The following SLC13A1 variants were observed in gnomAD, a reference collection of about 807,000 sequenced individuals.
SLC13A1 encodes the protein solute carrier family 13 member 1, also known as Na(+)/sulfate cotransporter.
A neutral mutation model predicts 70.0 loss-of-function variants in SLC13A1; 65 were observed. The observed-to-expected ratio is 0.93, with a 90% CI of 0.76 to 1.14. The LOEUF is 1.14. SLC13A1 is among the 50% of genes most tolerant of loss of function. SLC13A1 has a pLI of 0.00. For missense variants in SLC13A1, 726 were observed against 717.8 expected (o/e 1.01, Z -0.13); for synonymous variants, 275 against 250.5 (o/e 1.10, Z -0.92).
chr7:123,141,640 T>C (rs1445200428), intron 7 of SLC13A1, among the ~76,000 whole-genome samples: 1 of 152,194 alleles, frequency 6.6e-6, no homozygotes, highest in Non-Finnish European at 1.5e-5. Context: ...ACAACTGTTA[T>C]ATCCTCTTGC....
chr7:123,134,648 G>C, intron 7 of SLC13A1, 119 bp from the exon 8 acceptor site: 1 of 877,758 alleles, frequency 1.1e-6, no homozygotes, highest in Non-Finnish European at 1.7e-6. Context: ...AGGAAGTCCT[G>C]GAATATACTC....
At position 123,116,411 on chromosome 7, in the gene SLC13A1, A is replaced by G. The variant is rs187878023; in HGVS notation, c.1651-756T>C. Among the ~76,000 whole-genome samples the G allele has an allele frequency of 2.9e-4, 44 of 152,338 alleles. No individual in the cohort carries two copies. The East Asian group carries it at 8.5e-3, about 29-fold the overall frequency. On this transcript the variant is annotated intron_variant, in intron 14 of 14. Coordinates refer to ENST00000194130, the MANE Select transcript of SLC13A1 (RefSeq NM_022444.4). ...TGGCAGAGTTGAGTAGTTGTGACAG[A>G]GAACATATGGCCCCACAGGGCCTCA...
chr7:123,192,097 C>A (rs936719832), intron 1 of SLC13A1, among the ~76,000 whole-genome samples: 1 of 152,120 alleles, frequency 6.6e-6, no homozygotes, highest in African/African-American at 2.4e-5. Context: ...TTGACTCCTG[C>A]CCCAGTGGGT....
chr7:123,125,727 A>T (rs1353546317), intron 10 of SLC13A1, 52 bp from the exon 11 acceptor site: 1 of 1,307,978 alleles, frequency 7.6e-7, no homozygotes, highest in African/African-American at 1.5e-5. Context: ...AACTTAAATG[A>T]GCTAAAACAC....
rs2116226832 is a variant in SLC13A1, at chr7:123,115,193, A to G, written c.*325T>C. On this transcript the variant is annotated 3_prime_UTR_variant, in exon 15 of 15. Coordinates refer to ENST00000194130, the MANE Select transcript of SLC13A1 (RefSeq NM_022444.4). ...ATTTAAAATGTTACATTGAACTCCAACTGTAAGATGAAACAAATGCTCTAA... is the reference window on the plus strand; with the variant it reads ...ATTTAAAATGTTACATTGAACTCCAGCTGTAAGATGAAACAAATGCTCTAA... 1.2e-5 allele frequency: 2 copies of G among 170,508 alleles called. No homozygotes were observed. The highest frequency in any genetic ancestry group is 1.6e-4 in the East Asian group (1 of 6,400). 10.6% of individuals were successfully genotyped at this position (170,508 alleles called of 1,614,324 possible). A position where few individuals can be genotyped will look rare whatever the true frequency, so the allele number is the denominator to read the frequency against.
chr7:123,151,135 C>A (rs1204637696), intron 6 of SLC13A1, among the ~76,000 whole-genome samples: 1 of 151,726 alleles, frequency 6.6e-6, no homozygotes, highest in African/African-American at 2.4e-5. Context: ...ACCAGCCTGG[C>A]CAACATGGTG....
chr7:123,171,776 A>G lies in SLC13A1; in HGVS notation c.357T>C (p.Asn119=). The change falls in exon 3 of 15, where the codon AAT becomes AAC. Residue 119 remains asparagine (N), a synonymous_variant. Transcript: ENST00000194130. ...ALKMVMMVGV[N]PAWLTLGFMS... ...GTAAATGCAGTACTTACCATGCAGGATTTACACCAACCATCATCACCATTT... is the reference window on the plus strand; with the variant it reads ...GTAAATGCAGTACTTACCATGCAGGGTTTACACCAACCATCATCACCATTT... 2 of 1,613,896 alleles carry G rather than the reference A, an allele frequency of 1.2e-6. No individual in the cohort carries two copies. Among genetic ancestry groups the G allele is most frequent in the African/African-American group, 1.3e-5 (1 of 75,036 alleles).
intron 6 of SLC13A1, among the ~76,000 whole-genome samples, chr7:123,163,008 AG>A (rs1416109122): frequency 6.6e-6 from 1 of 152,086 alleles, no homozygotes; most frequent in Non-Finnish European, 1.5e-5. Flanking sequence ...AGATGCCTGA[AG>A]GTTTAGAAAT....
chr7:123,162,140 T>C (rs1411258530), intron 6 of SLC13A1, among the ~76,000 whole-genome samples: 1 of 152,064 alleles, frequency 6.6e-6, no homozygotes, highest in African/African-American at 2.4e-5. Flanking sequence ...GGGGGCTTAT[T>C]GTACAGTTAA....
chr7:123,128,869 G>A lies in SLC13A1; in HGVS notation c.1109C>T (p.Pro370Leu). The part of the protein sequence containing the change: ...LWFSRDPGFV[P>L]GWSALFSEYP... ...CTCTGAAAAAAGTGCAGACCAACCA[G>A]GAACAAATCCGGGGTCTCGACTAAA... The change falls in exon 10 of 15, where the codon CCT becomes CTT. Residue 370 changes from proline (P) to leucine (L), a missense_variant. Physicochemically the swap from Pro to Leu is moderately conservative, Grantham distance 98. Coordinates refer to ENST00000194130, the MANE Select transcript of SLC13A1 (RefSeq NM_022444.4). The A allele has an allele frequency of 6.2e-7, 1 of 1,613,234 alleles. No individual in the cohort carries two copies. The highest frequency in any genetic ancestry group is 8.5e-7 in the Non-Finnish European group (1 of 1,179,510).
At chr7:123,132,594 A>T (rs1215898762) in intron 8 of SLC13A1, among the ~76,000 whole-genome samples, 1 of 152,096 alleles carries the variant, frequency 6.6e-6, no homozygotes, top group Non-Finnish European at 1.5e-5. Context: ...CTGGTCTCTA[A>T]CTGCTGACCT....
At chr7:123,161,988 C>A (rs982496982) in intron 6 of SLC13A1, among the ~76,000 whole-genome samples, 1 of 149,108 alleles carries the variant, frequency 6.7e-6, no homozygotes, top group Non-Finnish European at 1.5e-5. Flanking sequence ...ATTTCTTAAT[C>A]AAAATACAGA....
At chr7:123,142,638 CTTTT>C (rs753775300) in intron 7 of SLC13A1, among the ~76,000 whole-genome samples, 6 of 118,794 alleles carry the variant, frequency 5.1e-5, no homozygotes, top group East Asian at 2.6e-4. Flanking sequence ...GGGGCAAGAA[CTTTT>C]TTTTTTTTTT....
intron 3 of SLC13A1, among the ~76,000 whole-genome samples, chr7:123,170,622 T>TTTTTTTTTG (rs143459546): frequency 2.0e-5 from 3 of 150,896 alleles, no homozygotes; most frequent in South Asian, 2.1e-4. Flanking sequence ...TTTTGGTTTT[T>TTTTTTTTTG]TTTGTTTGTT....
intron 3 of SLC13A1, among the ~76,000 whole-genome samples, chr7:123,170,211 A>G (rs114226295): frequency 6.6e-6 from 1 of 152,204 alleles, no homozygotes; most frequent in African/African-American, 2.4e-5. Context: ...TTTAAAACAG[A>G]TGTACAAGAA....
rs192456964 is a variant in SLC13A1, at chr7:123,174,340, C to T, written c.229-2436G>A. On this transcript the variant is annotated intron_variant, in intron 2 of 14. Transcript: ENST00000194130. ...CTACAATTCAACATATCCACAATGA[C>T]ACTTCTCATTTTCTCACTCCCCATC... Among the ~76,000 whole-genome samples, 433 of 152,186 alleles carry T rather than the reference C, an allele frequency of 2.8e-3. 3 individuals are homozygous for T. Among genetic ancestry groups the T allele is most frequent in the Admixed American group, 4.8e-3 (73 of 15,274 alleles).
chr7:123,141,703 T>A (rs1395546771), intron 7 of SLC13A1, among the ~76,000 whole-genome samples: 1 of 152,150 alleles, frequency 6.6e-6, no homozygotes, highest in East Asian at 1.9e-4. Flanking sequence ...CTTCTTATAC[T>A]TTTTGTCATG....
chr7:123,188,837 C>T (rs1372779989), intron 1 of SLC13A1, among the ~76,000 whole-genome samples: 3 of 151,944 alleles, frequency 2.0e-5, no homozygotes, highest in Admixed American at 1.3e-4. Flanking sequence ...ATCTTTCGGC[C>T]GGGTGCGGTG....
intron 13 of SLC13A1, 141 bp downstream of exon 13, chr7:123,118,940 A>T (rs933454873): frequency 1.6e-6 from 1 of 614,272 alleles, no homozygotes; most frequent in African/African-American, 1.9e-5. Context: ...GCATTAATAC[A>T]AATAAAGACC....
Sources: allele counts gnomAD v4.1 joint callset (sites outside exome capture counted in the v4.1 genomes callset), GRCh38; gene constraint gnomAD v4.1.1; transcripts MANE v1.5; gene names NCBI Gene and HGNC (gene_info 2026-07-23, HGNC 2026-07-21).